ZNF707: variants seen among roughly 807,000 people sequenced by gnomAD.
ZNF707 encodes zinc finger protein 707.
ZNF707 carries 8 observed loss-of-function variants against 13.3 expected under a neutral mutation model. The observed-to-expected ratio is 0.60, with a 90% CI of 0.35 to 1.09. The LOEUF (loss-of-function observed/expected upper bound fraction) is 1.09, where lower values mean the gene tolerates loss of function less well. ZNF707 is among the 50% of genes least tolerant of loss of function. The pLI is 0.02. For missense variants in ZNF707, 530 were observed against 512.6 expected (o/e 1.03, Z -0.33); for synonymous variants, 225 against 205.6 (o/e 1.09, Z -0.81).
rs782750859 is a variant in ZNF707, at chr8:143,694,166, G to A, written c.752G>A (p.Arg251His). The A allele has an allele frequency of 7.0e-6, 11 of 1,579,576 alleles. No individual in the cohort carries two copies. The highest frequency in any genetic ancestry group is 2.3e-5 in the South Asian group (2 of 86,740). The change falls in exon 6 of 6, where the codon CGC becomes CAC. Residue 251 changes from arginine to histidine, a missense_variant. Coordinates refer to ENST00000358656, the MANE Select transcript of ZNF707 (RefSeq NM_001100598.2). The surrounding 1 kb of genome is among the most constrained non-coding windows in gnomAD (Gnocchi z 4.4). ...CTGAAGGACCGCCTGGCTCAGCACCGCAAGGTCCACACCGAGCACAGGCCC... is the reference window on the plus strand; with the variant it reads ...CTGAAGGACCGCCTGGCTCAGCACCACAAGGTCCACACCGAGCACAGGCCC... ...FSLKDRLAQH[R>H]KVHTEHRPYS...
At chr8:143,689,033 C>T (rs919364472) in intron 1 of ZNF707, 171 bp from the exon 2 acceptor site, 2 of 152,250 alleles carry the variant, frequency 1.3e-5, no homozygotes, top group East Asian at 3.8e-4. Context: ...CAGTACTGTG[C>T]TTCCGTAGGC....
At chr8:143,687,919 G>A (rs7844855) in intron 1 of ZNF707, 102,090 of 150,810 alleles carry the variant, frequency 0.68, 37,578 homozygotes, top group Non-Finnish European at 0.84. Flanking sequence ...GATAATAGCT[G>A]TTATATGGTT....
In ZNF707 at chr8:143,694,291, T is replaced by C; in HGVS notation, c.877T>C (p.Cys293Arg). ...TGERPFYCAD[C>R]GKAFRTKENL... is the part of the protein sequence containing the mutation. ...GGAGCGGCCGTTCTACTGCGCGGACTGCGGCAAAGCCTTCCGGACCAAGGA... is the reference window on the plus strand; with the variant it reads ...GGAGCGGCCGTTCTACTGCGCGGACCGCGGCAAAGCCTTCCGGACCAAGGA... The change falls in exon 6 of 6, where the codon TGC becomes CGC. Residue 293 changes from cysteine to arginine, a missense_variant. Cys to Arg is a radical substitution (Grantham distance 180). Coordinates refer to ENST00000358656, the MANE Select transcript of ZNF707 (RefSeq NM_001100598.2). The surrounding 1 kb of genome is among the most constrained non-coding windows in gnomAD (Gnocchi z 4.4). 6.3e-7 allele frequency: 1 copy of C among 1,599,200 alleles called. No homozygotes were observed. The highest frequency in any genetic ancestry group is 8.5e-7 in the Non-Finnish European group (1 of 1,171,478).
chr8:143,694,626 C>A lies in ZNF707; in HGVS notation c.*96C>A. ...GTTGCTCTTCAGCCTGGAAAATCAA[C>A]CTGAATTCAGAGAAGCCTTCTTAGT... On this transcript the variant is annotated 3_prime_UTR_variant, in exon 6 of 6. Transcript: ENST00000358656. This position sits in a 1 kb window ranked among gnomAD's most constrained non-coding sequence, Gnocchi z 4.4. 1 of 1,366,520 alleles carries A rather than the reference C, an allele frequency of 7.3e-7. No individual in the cohort carries two copies. Among genetic ancestry groups the A allele is most frequent in the South Asian group, 1.5e-5 (1 of 66,694 alleles). The allele number at this position is 1,366,520 out of a possible 1,614,324, so 84.6% of individuals were successfully genotyped here.
At chr8:143,691,494 C>A in intron 4 of ZNF707, 106 bp from the exon 5 acceptor site, 1 of 1,303,912 alleles carries the variant, frequency 7.7e-7, no homozygotes, top group Non-Finnish European at 1.0e-6. Context: ...CAGGGCCTCC[C>A]GAGGGCTGGC....
chr8:143,694,304 TC>T lies in ZNF707; in HGVS notation c.892del (p.Arg298GlyfsTer42). On this transcript the variant is annotated frameshift_variant, in exon 6 of 6. Transcript: ENST00000358656. LOFTEE classifies it low-confidence loss of function (END_TRUNC). The surrounding 1 kb of genome is among the most constrained non-coding windows in gnomAD (Gnocchi z 4.4). ...TACTGCGCGGACTGCGGCAAAGCCT[TC>T]CGGACCAAGGAGAACCTCAGCCACC... is the stretch of plus-strand genomic sequence containing the variant. ...PFYCADCGKA[F>X]RTKENLSHHQ... 1 of 1,601,068 alleles carries T rather than the reference TC, an allele frequency of 6.2e-7. No homozygotes were observed. Among genetic ancestry groups the T allele is most frequent in the Non-Finnish European group, 8.5e-7 (1 of 1,172,146 alleles).
intron 5 of ZNF707, chr8:143,691,934 C>T: frequency 8.1e-7 from 1 of 1,233,354 alleles, no homozygotes; most frequent in Non-Finnish European, 1.1e-6. Context: ...CATAGTGCTG[C>T]AGGATGACAT....
intron 3 of ZNF707, chr8:143,690,852 C>G: frequency 1.6e-6 from 1 of 620,944 alleles, no homozygotes; most frequent in Non-Finnish European, 2.7e-6. Flanking sequence ...GTCCATGGGT[C>G]AGGGCCCCTC....
chr8:143,689,916 T>G, intron 2 of ZNF707, 141 bp from the exon 3 acceptor site: 1 of 632,574 alleles, frequency 1.6e-6, no homozygotes, highest in Non-Finnish European at 2.7e-6. Flanking sequence ...TGGCTGTCAG[T>G]AGTTACAGAG....
chr8:143,686,363 C>G (rs570936491), intron 1 of ZNF707, among the ~76,000 whole-genome samples: 3 of 151,966 alleles, frequency 2.0e-5, no homozygotes, highest in African/African-American at 7.3e-5. Context: ...TGAACCACCG[C>G]GAATGGCCGG....
intron 1 of ZNF707, among the ~76,000 whole-genome samples, chr8:143,686,051 G>A (rs1652389881): frequency 1.3e-5 from 2 of 152,030 alleles, no homozygotes; most frequent in South Asian, 4.1e-4. Context: ...AGTCCAGGTT[G>A]TGCAAACACA....
intron 1 of ZNF707, chr8:143,686,981 C>T (rs1451695776): frequency 6.6e-6 from 1 of 150,504 alleles, no homozygotes; most frequent in African/African-American, 2.4e-5. Flanking sequence ...AAGTGAATCT[C>T]CTGCCCCAGC....
At chr8:143,691,529 C>A (rs1816808299) in intron 4 of ZNF707, 71 bp from the exon 5 acceptor site, 1 of 1,480,696 alleles carries the variant, frequency 6.8e-7, no homozygotes, top group Admixed American at 2.1e-5. Flanking sequence ...TGATGCACAA[C>A]TGCTCTGAGC....
In ZNF707 at chr8:143,691,107, T is replaced by A. The variant is rs781999433; in HGVS notation, c.50T>A (p.Phe17Tyr). ...PVTFRDVAIY[F>Y]SREEWACLEP... ...ACCTTCAGGGACGTGGCCATCTACT[T>A]CTCAAGGGAGGAGTGGGCGTGTCTG... Residue 17 changes from phenylalanine to tyrosine, a missense_variant, in exon 4 of 6, where the codon TTC (phenylalanine) becomes TAC (tyrosine). Coordinates refer to ENST00000358656, the MANE Select transcript of ZNF707 (RefSeq NM_001100598.2). 1.2e-5 allele frequency: 19 copies of A among 1,613,778 alleles called. No homozygotes were observed. The highest frequency in any genetic ancestry group is 1.4e-5 in the Non-Finnish European group (16 of 1,179,866).
In ZNF707 at chr8:143,694,076, G is replaced by A. The variant is rs1243990605; in HGVS notation, c.662G>A (p.Arg221His). 6 of 1,606,710 alleles carry A rather than the reference G, an allele frequency of 3.7e-6. No individual in the cohort carries two copies. The highest frequency in any genetic ancestry group is 5.1e-6 in the Non-Finnish European group (6 of 1,177,780). Reference protein sequence around the residue: ...QTFRWASNLQRHQKNHTREKP... With the variant: ...QTFRWASNLQHHQKNHTREKP... ...TTCCGGTGGGCTTCAAACCTGCAGCGCCACCAGAAGAACCACACGCGCGAG... is the reference window on the plus strand; with the variant it reads ...TTCCGGTGGGCTTCAAACCTGCAGCACCACCAGAAGAACCACACGCGCGAG... The change falls in exon 6 of 6, where the codon CGC (arginine) becomes CAC (histidine). Residue 221 changes from arginine to histidine, a missense_variant. By Grantham distance (29) the Arg-to-His change is conservative (BLOSUM62 0). Coordinates refer to ENST00000358656, the MANE Select transcript of ZNF707 (RefSeq NM_001100598.2). This position sits in a 1 kb window ranked among gnomAD's most constrained non-coding sequence, Gnocchi z 4.4.
chr8:143,692,031 G>A (rs1554613806), intron 5 of ZNF707: 1 of 1,406,272 alleles, frequency 7.1e-7, no homozygotes, highest in Admixed American at 2.1e-5. Flanking sequence ...GGAGGCCATT[G>A]GTGTGGGTGT....
At chr8:143,684,824 T>G (rs1377425226) in intron 1 of ZNF707, 1 of 152,496 alleles carries the variant, frequency 6.6e-6, no homozygotes, top group Non-Finnish European at 1.5e-5. Context: ...TCCGCGATCG[T>G]GACCTTAGTT....
chr8:143,691,016 T>C, intron 3 of ZNF707, 57 bp from the exon 4 acceptor site: 5 of 1,606,552 alleles, frequency 3.1e-6, no homozygotes, highest in Non-Finnish European at 4.3e-6. Flanking sequence ...CCCAGACCTG[T>C]GGGCTGAGCC....
At chr8:143,690,473 G>A in intron 3 of ZNF707, 1 of 269,234 alleles carries the variant, frequency 3.7e-6, no homozygotes, top group East Asian at 7.6e-5. Flanking sequence ...TGAGGCAGGA[G>A]AATTGCTTGA....
Sources: gnomAD v4.1 joint callset for allele counts (sites outside exome capture counted in the v4.1 genomes callset) on GRCh38, gnomAD v4.1.1 for gene constraint, Gnocchi (gnomAD v3.1) non-coding constraint, MANE v1.5 for transcripts, NCBI Gene and HGNC (gene_info 2026-07-23, HGNC 2026-07-21) for gene names.